Variants in SH3BP5 observed in about 807,000 individuals in gnomAD.
The protein encoded by SH3BP5 is SH3 domain binding protein 5, also known as SH3 domain-binding protein 5.
SH3BP5 carries 22 observed loss-of-function variants against 43.3 expected under a neutral mutation model. The ratio of observed to expected loss-of-function variants is 0.51; its 90% CI spans 0.36 to 0.73. The LOEUF (loss-of-function observed/expected upper bound fraction) is 0.73, where lower values mean the gene tolerates loss of function less well. Ranked by LOEUF, SH3BP5 falls within the 30% of genes least tolerant of loss-of-function variation. The pLI is 0.00. For synonymous variants in SH3BP5, 255 were observed against 225.8 expected, an observed-to-expected ratio of 1.13 and a Z score of -1.16; for missense variants, 529 against 586.9, an observed-to-expected ratio of 0.90 and a Z score of 1.02.
chr3:15,295,946 T>C (rs1020134395), intron 3 of SH3BP5, among the ~76,000 whole-genome samples: 2 of 148,344 alleles, frequency 1.3e-5, no homozygotes, highest in Admixed American at 6.9e-5. Flanking sequence ...AAATATTGCA[T>C]ATAATTGATT....
intron 3 of SH3BP5, among the ~76,000 whole-genome samples, chr3:15,286,736 G>A (rs1697275684): frequency 6.6e-6 from 1 of 152,054 alleles, no homozygotes; most frequent in African/African-American, 2.4e-5. Flanking sequence ...TGTATAGATG[G>A]GGTTTTGCCA....
At chr3:15,258,222 G>A (rs908396161) in intron 7 of SH3BP5, 4 of 152,216 alleles carry the variant, frequency 2.6e-5, no homozygotes, top group African/African-American at 7.2e-5. Context: ...ACAGCGTTGG[G>A]TGGGTTTTCT....
intron 1 of SH3BP5, chr3:15,331,829 C>A (rs1372764366): frequency 6.1e-6 from 1 of 164,030 alleles, no homozygotes; most frequent in Non-Finnish European, 1.3e-5. Context: ...TGCCAGCCCG[C>A]GCTGCAGGGC....
At chr3:15,259,071 C>CT (rs778033756) in intron 6 of SH3BP5, 21 bp from the exon 7 acceptor site, 66 of 1,591,570 alleles carry the variant, frequency 4.1e-5, no homozygotes, top group Non-Finnish European at 5.0e-5. Context: ...GAACAGGAGA[C>CT]TAAGTGAAGA....
chr3:15,283,512 A>G (rs931027644), intron 3 of SH3BP5, among the ~76,000 whole-genome samples: 1 of 152,230 alleles, frequency 6.6e-6, no homozygotes, highest in African/African-American at 2.4e-5. Context: ...CTTAAAGCCC[A>G]TATTACCCAC....
rs10510435 is a variant in SH3BP5, at chr3:15,259,194, G to A, written c.670-144C>T. On this transcript the variant is annotated intron_variant, in intron 6 of 8. Coordinates refer to ENST00000383791, the MANE Select transcript of SH3BP5 (RefSeq NM_004844.5). ...CATGACTGAAGACCTAATTACCATT[G>A]TAACTGCTATTCATTCACCAGACAA... is the stretch of plus-strand genomic sequence containing the variant. The A allele has an allele frequency of 0.038, 25,134 of 662,208 alleles. 4,471 individuals are homozygous for A. In the African/African-American group the frequency reaches 0.39, roughly 10 times the overall value. 41.0% of individuals were successfully genotyped at this position (662,208 alleles called of 1,614,324 possible).
chr3:15,327,176 G>A lies in SH3BP5; in HGVS notation c.201+3328C>T, dbSNP rs1326769138. 4.6e-5 allele frequency among the ~76,000 whole-genome samples: 7 copies of A among 151,862 alleles called. No individual in the cohort carries two copies. The South Asian group carries it at 1.0e-3, about 23-fold the overall frequency. ...GGGGGGTAGCGACGACACGAGATCCGGAGTTCAAGACCAGCCAGTTCGAGA... is the reference window on the plus strand; with the variant it reads ...GGGGGGTAGCGACGACACGAGATCCAGAGTTCAAGACCAGCCAGTTCGAGA... On this transcript the variant is annotated intron_variant, in intron 2 of 8. Coordinates refer to ENST00000383791, the MANE Select transcript of SH3BP5 (RefSeq NM_004844.5).
intron 3 of SH3BP5, chr3:15,275,812 G>A (rs1696946740): frequency 6.6e-6 from 1 of 152,124 alleles, no homozygotes; most frequent in African/African-American, 2.4e-5. Context: ...CTTGAGGCCA[G>A]GAGTTCAAGA....
intron 4 of SH3BP5, among the ~76,000 whole-genome samples, chr3:15,265,554 AC>A (rs1696610968): frequency 1.4e-5 from 2 of 144,528 alleles, no homozygotes; most frequent in East Asian, 2.0e-4. Context: ...ACACACACAC[AC>A]ACACAACCCT....
intron 1 of SH3BP5, 113 bp downstream of exon 1, chr3:15,332,158 G>T (rs929620457): frequency 1.5e-5 from 22 of 1,480,792 alleles, no homozygotes; most frequent in Non-Finnish European, 9.1e-7. Context: ...CTATGTGGCC[G>T]CCAGTCCCCG....
upstream of SH3BP5, among the ~76,000 whole-genome samples, chr3:15,336,880 A>G (rs554073877): frequency 1.3e-3 from 191 of 152,126 alleles, no homozygotes; most frequent in Non-Finnish European, 2.2e-3. Context: ...TCCATTGTCC[A>G]TCATTAAAAT....
At position 15,262,281 on chromosome 3, in the gene SH3BP5, C is replaced by T. The variant is rs1439798376; in HGVS notation, c.504G>A (p.Glu168=). ...CGCTCCTGGTCTTGGTCTGCTCCGC[C>T]TCCATGACCTTAAAATGACAGCAGA... The part of the protein sequence containing the change: ...MLNHATQRVM[E]AEQTKTRSEL... The change falls in exon 5 of 9, where the codon GAG becomes GAA. Residue 168 remains glutamate, a synonymous_variant. Transcript: ENST00000383791. The T allele has an allele frequency of 5.0e-6, 8 of 1,614,170 alleles. No individual in the cohort carries two copies. The highest frequency in any genetic ancestry group is 6.8e-6 in the Non-Finnish European group (8 of 1,180,010).
In SH3BP5 at chr3:15,256,229, C is replaced by CACTGCT. The variant is rs775346510; in HGVS notation, c.1219_1224dup (p.Ser407_Ser408dup). The CACTGCT allele has an allele frequency of 1.9e-5, 30 of 1,614,230 alleles. 1 individual carries two copies. The highest frequency in any genetic ancestry group is 3.3e-4 in the Middle Eastern group (2 of 6,062). ...TGGCTCTTACTGCTGCCACCACTGCCACTGCTACTGCTGAGGCCCCGGTTG... is the reference window on the plus strand; with the variant it reads ...TGGCTCTTACTGCTGCCACCACTGCCACTGCTACTGCTACTGCTGAGGCCCCGGTTG... On this transcript the variant is annotated inframe_insertion, in exon 9 of 9. Coordinates refer to ENST00000383791, the MANE Select transcript of SH3BP5 (RefSeq NM_004844.5).
chr3:15,332,186 G>T, intron 1 of SH3BP5, 85 bp downstream of exon 1: 1 of 1,534,102 alleles, frequency 6.5e-7, no homozygotes, highest in Non-Finnish European at 8.7e-7. Flanking sequence ...GTTACTGGGG[G>T]CTGCGAAGTG....
intron 3 of SH3BP5, among the ~76,000 whole-genome samples, chr3:15,279,795 G>A (rs1697070641): frequency 6.6e-6 from 1 of 152,116 alleles, no homozygotes; most frequent in South Asian, 2.1e-4. Context: ...GGGGCATCAG[G>A]GAAGGTTCAT....
intron 3 of SH3BP5, among the ~76,000 whole-genome samples, chr3:15,285,633 GTCT>G (rs199916898): frequency 0.018 from 2,767 of 152,324 alleles, 89 homozygotes; most frequent in African/African-American, 0.063. Context: ...CATTCACTTG[GTCT>G]TCTCAACAAG....
intron 4 of SH3BP5, among the ~76,000 whole-genome samples, chr3:15,266,636 C>G (rs544384074): frequency 7.3e-4 from 111 of 152,340 alleles, no homozygotes; most frequent in Non-Finnish European, 1.3e-3. Flanking sequence ...GGACCCCAGG[C>G]CCTGTGCCCC....
At chr3:15,310,884 A>T (rs1352795101) in intron 2 of SH3BP5, among the ~76,000 whole-genome samples, 1 of 152,170 alleles carries the variant, frequency 6.6e-6, no homozygotes, top group African/African-American at 2.4e-5. Context: ...GTGTCAGATA[A>T]GAGCTCAAGC....
chr3:15,304,019 A>G, intron 3 of SH3BP5, 84 bp downstream of exon 3: 1 of 1,141,938 alleles, frequency 8.8e-7, no homozygotes, highest in South Asian at 1.3e-5. Flanking sequence ...TCTAACCTTC[A>G]GCAGGTGATA....
Sources: gnomAD v4.1 joint callset for allele counts (sites outside exome capture counted in the v4.1 genomes callset) on GRCh38, gnomAD v4.1.1 for gene constraint, MANE v1.5 for transcripts, NCBI Gene and HGNC (gene_info 2026-07-23, HGNC 2026-07-21) for gene names.